The following VWA3A variants were observed in gnomAD, a reference collection of about 807,000 sequenced individuals.
VWA3A encodes the protein von Willebrand factor A domain containing 3A.
In VWA3A, 134 loss-of-function variants were observed where a neutral mutation model predicts 160.4. The ratio of observed to expected loss-of-function variants is 0.84; its 90% confidence interval spans 0.73 to 0.96. The LOEUF (loss-of-function observed/expected upper bound fraction) is 0.96. Ranked by LOEUF, VWA3A falls within the 40% of genes least tolerant of loss-of-function variation. The pLI is 0.00. For synonymous variants in VWA3A, 476 were observed against 543.4 expected (o/e 0.88, Z 1.72); for missense variants, 1,310 against 1,447.9 (o/e 0.90, Z 1.55).
Position 22,116,829 on chromosome 16 carries a change from C to T in VWA3A, c.886C>T (p.His296Tyr), listed in dbSNP as rs149477446. The change falls in exon 10 of 34, where the codon CAC becomes TAC. Residue 296 changes from histidine (H) to tyrosine (Y), a missense_variant. Physicochemically the swap from His to Tyr is moderately conservative, Grantham distance 83 (BLOSUM62 2). Transcript: ENST00000389398. ...CACCATGGGAAGAGACCTCATCATCCACTTCATCACCTACAGATGCGATGA... is the reference window on the plus strand; with the variant it reads ...CACCATGGGAAGAGACCTCATCATCTACTTCATCACCTACAGATGCGATGA... ...QSTMGRDLII[H>Y]FITYRCDDQM... is the part of the protein sequence containing the mutation. 1 of 1,613,442 alleles carries T rather than the reference C, an allele frequency of 6.2e-7. No individual in the cohort carries two copies. The highest frequency in any genetic ancestry group is 1.3e-5 in the African/African-American group (1 of 75,058).
chr16:22,131,251 A>C lies in VWA3A; in HGVS notation c.1699A>C (p.Ser567Arg). 6.2e-7 allele frequency: 1 copy of C among 1,614,018 alleles called. No homozygotes were observed. The highest frequency in any genetic ancestry group is 8.5e-7 in the Non-Finnish European group (1 of 1,179,902). ...ESWRPEMVPV[S>R]HNNLQSAWRW... ...CTGGAGGCCTGAGATGGTTCCCGTG[A>C]GTCACAACAATTTACAAAGTGCCTG... Residue 567 changes from serine (S) to arginine (R), a missense_variant, in exon 18 of 34, where the codon AGT becomes CGT. Ser to Arg is a moderately radical substitution (Grantham distance 110, BLOSUM62 -1). Coordinates refer to ENST00000389398, the MANE Select transcript of VWA3A (RefSeq NM_173615.5).
Position 22,134,370 on chromosome 16 carries a change from A to G in VWA3A, c.2071A>G (p.Ile691Val). The G allele has an allele frequency of 6.3e-7, 1 of 1,596,672 alleles. No individual in the cohort carries two copies. The highest frequency in any genetic ancestry group is 8.5e-7 in the Non-Finnish European group (1 of 1,171,110). ...CTCACGATGTGCTTTGTTTCCAGGC[A>G]TTTATGAGAGCGATGACATCAACTC... ...GRFHWFGDTG[I>V]YESDDINSIM... is the part of the protein sequence containing the mutation. The change falls in exon 21 of 34, where the codon ATT (isoleucine) becomes GTT (valine). Residue 691 changes from isoleucine (I) to valine (V), a missense_variant and splice_region_variant. By Grantham distance (29) the Ile-to-Val change is conservative. Transcript: ENST00000389398.
rs771455371 is a variant in VWA3A, at chr16:22,109,466, C to T, written c.484-16C>T. 3.2e-6 allele frequency: 5 copies of T among 1,571,778 alleles called. No individual in the cohort carries two copies. In the Admixed American group the frequency reaches 5.6e-5, roughly 18 times the overall value. ...GACTTGCACTGGCTGTTTCCAAATGCCCTCTTTGGTTTTAGGCATTTGGCC... is the reference window on the plus strand; with the variant it reads ...GACTTGCACTGGCTGTTTCCAAATGTCCTCTTTGGTTTTAGGCATTTGGCC... On this transcript the variant is annotated splice_polypyrimidine_tract_variant and intron_variant, in intron 6 of 33. Coordinates refer to ENST00000389398, the MANE Select transcript of VWA3A (RefSeq NM_173615.5).
At chr16:22,137,896 G>A (rs1377083360) in intron 21 of VWA3A, among the ~76,000 whole-genome samples, 1 of 152,142 alleles carries the variant, frequency 6.6e-6, no homozygotes, top group Non-Finnish European at 1.5e-5. Context: ...AGGAACAACG[G>A]GGATGCAAAC....
At chr16:22,147,493 G>A (rs2046274254) in intron 27 of VWA3A, 1 of 681,774 alleles carries the variant, frequency 1.5e-6, no homozygotes, top group Non-Finnish European at 2.7e-6. Context: ...ATCAGGAGGA[G>A]GGAGGAAGGG....
intron 16 of VWA3A, among the ~76,000 whole-genome samples, chr16:22,124,620 T>C (rs535840406): frequency 9.9e-4 from 149 of 150,996 alleles, no homozygotes; most frequent in African/African-American, 3.3e-3. Context: ...TCTCAAACTC[T>C]TGGCCTCAAG....
chr16:22,105,254 G>A (rs549835897), intron 6 of VWA3A, among the ~76,000 whole-genome samples: 7 of 152,298 alleles, frequency 4.6e-5, no homozygotes, highest in African/African-American at 1.4e-4. Context: ...TTGTCAAAGT[G>A]GGCGGGGATT....
At chr16:22,125,630 A>G (rs1416300591) in intron 16 of VWA3A, among the ~76,000 whole-genome samples, 1 of 151,828 alleles carries the variant, frequency 6.6e-6, no homozygotes, top group Non-Finnish European at 1.5e-5. Flanking sequence ...TCACCATGTT[A>G]GCCAGGATGG....
chr16:22,133,009 G>A lies in VWA3A; in HGVS notation c.1982G>A (p.Arg661His), dbSNP rs193072842. ...EPKMDTTPPA[R>H]YASHTDTAAA... Reference sequence around the variant, plus strand: ...AAGATGGACACCACACCCCCTGCCCGCTATGCCAGTCACACTGACACAGCC... The same window carrying A: ...AAGATGGACACCACACCCCCTGCCCACTATGCCAGTCACACTGACACAGCC... The change falls in exon 20 of 34, where the codon CGC becomes CAC. Residue 661 changes from arginine to histidine, a missense_variant. By Grantham distance (29) the Arg-to-His change is conservative (BLOSUM62 0). Transcript: ENST00000389398. 5,315 of 1,613,838 alleles carry A rather than the reference G, an allele frequency of 3.3e-3. 35 individuals carry two copies. Among genetic ancestry groups the A allele is most frequent in the Middle Eastern group, 0.013 (76 of 6,062 alleles).
At chr16:22,142,832 C>A in intron 25 of VWA3A, 67 bp downstream of exon 25, 1 of 1,187,918 alleles carries the variant, frequency 8.4e-7, no homozygotes, top group Non-Finnish European at 1.2e-6. Flanking sequence ...CCAACCATTA[C>A]TTCTAGGATG....
intron 21 of VWA3A, among the ~76,000 whole-genome samples, chr16:22,136,401 T>A (rs2046040368): frequency 6.6e-6 from 1 of 151,960 alleles, no homozygotes; most frequent in African/African-American, 2.4e-5. Flanking sequence ...GGTGAGTTTG[T>A]GGAGCCTGTG....
At chr16:22,123,216 G>A (rs375457182) in intron 15 of VWA3A, 51 bp downstream of exon 15, 88 of 1,511,540 alleles carry the variant, frequency 5.8e-5, no homozygotes, top group Non-Finnish European at 7.5e-5. Context: ...AAGTGGGGAC[G>A]GGAGGAAGGT....
At chr16:22,140,574 C>CT (rs1460481342) in intron 23 of VWA3A, among the ~76,000 whole-genome samples, 1 of 151,090 alleles carries the variant, frequency 6.6e-6, no homozygotes, top group African/African-American at 2.4e-5. Flanking sequence ...CCACTGCACT[C>CT]TAACCTCAGT....
chr16:22,098,911 CAAAAAAAAAAAA>C (rs900328333), intron 3 of VWA3A, among the ~76,000 whole-genome samples: 1 of 41,030 alleles, frequency 2.4e-5, no homozygotes, highest in Admixed American at 3.2e-4. Context: ...CCTGTTTCCA[CAAAAAAAAAAAA>C]AAAAAAAAAA....
At chr16:22,132,762 C>A (rs1453047593) in intron 19 of VWA3A, 138 bp from the exon 20 acceptor site, 1 of 798,498 alleles carries the variant, frequency 1.3e-6, no homozygotes, top group East Asian at 2.7e-5. Flanking sequence ...CCAGCCTCAT[C>A]TCTTTCCATC....
chr16:22,133,412 G>T (rs1344327530), intron 20 of VWA3A, among the ~76,000 whole-genome samples: 1 of 152,098 alleles, frequency 6.6e-6, no homozygotes, highest in Non-Finnish European at 1.5e-5. Context: ...AGCAGTTTGA[G>T]AGGCCAACGT....
chr16:22,119,329 G>T (rs1394150978), intron 12 of VWA3A, among the ~76,000 whole-genome samples: 1 of 152,184 alleles, frequency 6.6e-6, no homozygotes, highest in Non-Finnish European at 1.5e-5. Context: ...CTTACCCCCA[G>T]TTTGGAGAAT....
At chr16:22,098,373 A>G (rs920247124) in intron 3 of VWA3A, among the ~76,000 whole-genome samples, 1 of 152,248 alleles carries the variant, frequency 6.6e-6, no homozygotes, top group African/African-American at 2.4e-5. Flanking sequence ...ACAGGAAAGC[A>G]AGCTTAATTA....
chr16:22,133,614 C>T (rs973228317), intron 20 of VWA3A, among the ~76,000 whole-genome samples: 1 of 142,954 alleles, frequency 7.0e-6, no homozygotes, highest in Non-Finnish European at 1.5e-5. Flanking sequence ...CACACCACTA[C>T]ACTCCAGCCT....
Sources: allele counts gnomAD v4.1 joint callset (sites outside exome capture counted in the v4.1 genomes callset), GRCh38; gene constraint gnomAD v4.1.1; transcripts MANE v1.5; gene names NCBI Gene and HGNC (gene_info 2026-07-23, HGNC 2026-07-21).